The following FBXL17 variants were observed in gnomAD, a reference collection of about 807,000 sequenced individuals.
FBXL17 encodes F-box and leucine rich repeat protein 17.
A neutral mutation model predicts 66.2 loss-of-function variants in FBXL17; 22 were observed. That is an observed-to-expected ratio of 0.33 (90% CI 0.24 to 0.47). The LOEUF (loss-of-function observed/expected upper bound fraction) is 0.47, where lower values mean the gene tolerates loss of function less well. FBXL17 is among the 20% of genes least tolerant of loss of function. The pLI is 1.00. For missense variants in FBXL17, 878 were observed against 948.2 expected, an observed-to-expected ratio of 0.93 and a Z score of 0.97; for synonymous variants, 474 against 400.5, an observed-to-expected ratio of 1.18 and a Z score of -2.19.
At chr5:107,944,211 T>C (rs1406918024) in intron 7 of FBXL17, among the ~76,000 whole-genome samples, 1 of 152,238 alleles carries the variant, frequency 6.6e-6, no homozygotes. Context: ...ATTTCATTCA[T>C]TCATTCTTCT....
chr5:108,186,141 CAG>C lies in FBXL17; in HGVS notation c.1719_1720del (p.Cys574SerfsTer7). The C allele has an allele frequency of 6.2e-7, 1 of 1,612,260 alleles. No individual in the cohort carries two copies. Among genetic ancestry groups the C allele is most frequent in the Non-Finnish European group, 8.5e-7 (1 of 1,178,546 alleles). ...CCTGTCATTTATGATCCAGTTCAGA[CAG>C]AGATTGAGAGAGCTAAGATTTTTGC... is the stretch of plus-strand genomic sequence containing the variant. On this transcript the variant is annotated frameshift_variant, in exon 6 of 9. Transcript: ENST00000542267. LOFTEE classifies it high-confidence loss of function.
At chr5:108,175,345 C>A (rs906025934) in intron 6 of FBXL17, among the ~76,000 whole-genome samples, 10 of 152,176 alleles carry the variant, frequency 6.6e-5, no homozygotes, top group African/African-American at 2.4e-5. Context: ...ATGCCACCAG[C>A]AGAGCCATGC....
intron 8 of FBXL17, chr5:107,879,390 A>T: frequency 1.0e-6 from 1 of 985,408 alleles, no homozygotes; most frequent in Non-Finnish European, 1.2e-6. Flanking sequence ...AGTCATTTTA[A>T]AGTGGCAGGG....
Position 108,357,761 on chromosome 5 carries a change from G to A in FBXL17, c.1374+6977C>T, listed in dbSNP as rs1352915019. Among the ~76,000 whole-genome samples, 5 of 151,694 alleles carry A rather than the reference G, an allele frequency of 3.3e-5. No homozygotes were observed. The East Asian group carries it at 9.7e-4, about 29-fold the overall frequency. ...TTATACTTTAAGTTCTAGGGTACAC[G>A]TGTACAACGTGCAGGTTTGTTACAT... On this transcript the variant is annotated intron_variant, in intron 3 of 8. Coordinates refer to ENST00000542267, the MANE Select transcript of FBXL17 (RefSeq NM_001163315.3).
At chr5:107,971,221 A>G (rs2112649539) in intron 7 of FBXL17, among the ~76,000 whole-genome samples, 1 of 152,296 alleles carries the variant, frequency 6.6e-6, no homozygotes, top group Middle Eastern at 3.4e-3. Flanking sequence ...CACAAAGCAC[A>G]CACAAGCACA....
At chr5:108,310,748 A>T in intron 4 of FBXL17, among the ~76,000 whole-genome samples, 1 of 152,152 alleles carries the variant, frequency 6.6e-6, no homozygotes, top group Admixed American at 6.6e-5. Flanking sequence ...TCATTACACC[A>T]CTACTTAAGC....
chr5:108,143,963 T>C (rs924613817), intron 6 of FBXL17, among the ~76,000 whole-genome samples: 2 of 151,974 alleles, frequency 1.3e-5, no homozygotes, highest in African/African-American at 2.4e-5. Context: ...TGGAAAAAAC[T>C]TATAACTGAA....
At chr5:108,097,156 C>T (rs1244669468) in intron 6 of FBXL17, among the ~76,000 whole-genome samples, 3 of 151,630 alleles carry the variant, frequency 2.0e-5, no homozygotes, top group East Asian at 1.9e-4. Context: ...GTTTTATAAA[C>T]GGCAGTTTCA....
At chr5:108,323,174 C>CA (rs1759696374) in intron 4 of FBXL17, among the ~76,000 whole-genome samples, 1 of 151,536 alleles carries the variant, frequency 6.6e-6, no homozygotes, top group Non-Finnish European at 1.5e-5. Flanking sequence ...TATCTCTGTT[C>CA]ACAGATGACA....
intron 5 of FBXL17, among the ~76,000 whole-genome samples, chr5:108,189,163 G>C (rs1235524024): frequency 2.6e-5 from 4 of 152,124 alleles, no homozygotes; most frequent in Non-Finnish European, 5.9e-5. Context: ...CAGGAGACCA[G>C]ACATGGCTTA....
chr5:108,372,197 G>C (rs534702452), intron 1 of FBXL17, among the ~76,000 whole-genome samples: 1 of 152,198 alleles, frequency 6.6e-6, no homozygotes, highest in South Asian at 2.1e-4. Flanking sequence ...AAAATCCCTT[G>C]AACCTCTACA....
At chr5:108,243,378 G>C (rs1755949389) in intron 4 of FBXL17, among the ~76,000 whole-genome samples, 1 of 152,068 alleles carries the variant, frequency 6.6e-6, no homozygotes, top group Non-Finnish European at 1.5e-5. Flanking sequence ...TAATGAAAAA[G>C]GTAATTCAAA....
intron 4 of FBXL17, among the ~76,000 whole-genome samples, chr5:108,293,100 A>AAC (rs1412317008): frequency 2.0e-5 from 3 of 150,278 alleles, no homozygotes; most frequent in African/African-American, 7.3e-5. Context: ...AAAAAAAACA[A>AAC]AAAAAAAAAA....
chr5:108,275,945 T>C (rs1489389129), intron 4 of FBXL17, among the ~76,000 whole-genome samples: 2 of 152,166 alleles, frequency 1.3e-5, no homozygotes, highest in Admixed American at 6.5e-5. Context: ...ACATTGCATA[T>C]AGATTTACCC....
intron 4 of FBXL17, chr5:108,301,987 A>T (rs1758611731): frequency 1.0e-6 from 1 of 981,918 alleles, no homozygotes; most frequent in African/African-American, 1.7e-5. Context: ...TCCTAGTAGG[A>T]CAGGCAATCC....
chr5:107,892,176 T>C lies in FBXL17; in HGVS notation c.1823-10997A>G, dbSNP rs191966260. 4.1e-3 allele frequency among the ~76,000 whole-genome samples: 619 copies of C among 152,290 alleles called. 2 individuals carry two copies. The highest frequency in any genetic ancestry group is 6.4e-3 in the Non-Finnish European group (436 of 68,020). On this transcript the variant is annotated intron_variant, in intron 7 of 8. Transcript: ENST00000542267. ...AACTCTAAGTACCGTCTCTACTGAA[T>C]GTGTATTGCTTTCACACCATCATAA...
rs1751416087 is a variant in FBXL17 at position 108,143,029 on chromosome 5, T to G, written c.1745+43088A>C. Among the ~76,000 whole-genome samples, 3 of 147,142 alleles carry G rather than the reference T, an allele frequency of 2.0e-5. No individual in the cohort carries two copies. In the South Asian group the frequency reaches 6.4e-4, roughly 32 times the overall value. ...AAGATTCTCACAGGAGCATGAACCC[T>G]GTTATGAACTGCTCAAGTGAGGGAT... On this transcript the variant is annotated intron_variant, in intron 6 of 8. Coordinates refer to ENST00000542267, the MANE Select transcript of FBXL17 (RefSeq NM_001163315.3).
chr5:108,255,622 T>C (rs1170407264), intron 4 of FBXL17, among the ~76,000 whole-genome samples: 1 of 152,162 alleles, frequency 6.6e-6, no homozygotes, highest in Non-Finnish European at 1.5e-5. Context: ...AAGGAAAAAC[T>C]GACCAGATCC....
chr5:108,071,968 C>A (rs1214000683), intron 6 of FBXL17, among the ~76,000 whole-genome samples: 1 of 152,128 alleles, frequency 6.6e-6, no homozygotes, highest in East Asian at 1.9e-4. Flanking sequence ...GTCTTCTCTG[C>A]AGCATCAGAT....
Sources: allele counts gnomAD v4.1 joint callset (sites outside exome capture counted in the v4.1 genomes callset), GRCh38; gene constraint gnomAD v4.1.1; transcripts MANE v1.5; gene names NCBI Gene and HGNC (gene_info 2026-07-23, HGNC 2026-07-21).